Variants in MYH15 observed in about 807,000 individuals in gnomAD.
MYH15 encodes myosin-15.
Under a neutral mutation model 240.5 loss-of-function variants are expected in MYH15, and 227 were observed. The observed-to-expected ratio is 0.94, with a 90% CI of 0.85 to 1.05. MYH15 has a LOEUF of 1.05. Ranked by LOEUF, MYH15 falls within the 50% of genes least tolerant of loss-of-function variation. The pLI is 0.00. For missense variants in MYH15, 2,217 were observed against 2,247.5 expected, an observed-to-expected ratio of 0.99 and a Z score of 0.27; for synonymous variants, 785 against 796.7, an observed-to-expected ratio of 0.99 and a Z score of 0.25.
At chr3:108,541,639 A>C in the MYH15 span, among the ~76,000 whole-genome samples, 1 of 152,146 alleles carries the variant, frequency 6.6e-6, no homozygotes, top group Admixed American at 6.6e-5. Context: ...GGGGAAACAA[A>C]TATCGCTAGT....
At chr3:108,492,818 G>A (rs1202858348) in intron 8 of MYH15, among the ~76,000 whole-genome samples, 1 of 152,022 alleles carries the variant, frequency 6.6e-6, no homozygotes, top group Non-Finnish European at 1.5e-5. Context: ...GGGCATGGTG[G>A]CACATGCCTG....
chr3:108,409,614 C>A (rs551423566), intron 31 of MYH15, among the ~76,000 whole-genome samples: 1 of 152,286 alleles, frequency 6.6e-6, no homozygotes, highest in South Asian at 2.1e-4. Context: ...GCTTCATTTA[C>A]GCCTCCAACA....
At chr3:108,540,347 T>A in the MYH15 span, among the ~76,000 whole-genome samples, 1 of 152,280 alleles carries the variant, frequency 6.6e-6, no homozygotes, top group East Asian at 1.9e-4. Context: ...ACAGACAGCA[T>A]CTCTCAAAAT....
chr3:108,427,827 T>A (rs2082738441), intron 27 of MYH15, among the ~76,000 whole-genome samples: 2 of 152,238 alleles, frequency 1.3e-5, no homozygotes, highest in Non-Finnish European at 2.9e-5. Context: ...GATGACTTTA[T>A]AAAATCTGCT....
At chr3:108,464,084 G>C (rs148323282) in intron 15 of MYH15, among the ~76,000 whole-genome samples, 105 of 152,190 alleles carry the variant, frequency 6.9e-4, no homozygotes, top group African/African-American at 2.4e-3. Flanking sequence ...TTTTTAGGTC[G>C]AAGTATTATT....
At chr3:108,438,564 G>A (rs1484262330) in intron 24 of MYH15, among the ~76,000 whole-genome samples, 1 of 152,126 alleles carries the variant, frequency 6.6e-6, no homozygotes, top group Non-Finnish European at 1.5e-5. Context: ...TGGGAGGTGG[G>A]CCCTTTAGGA....
chr3:108,400,188 G>T (rs73205988), intron 33 of MYH15, among the ~76,000 whole-genome samples: 1,966 of 152,260 alleles, frequency 0.013, 13 homozygotes, highest in Middle Eastern at 0.031. Context: ...TCACAAGATG[G>T]AAAGAACCTG....
chr3:108,510,419 G>A (rs774444623), intron 1 of MYH15, 24 bp downstream of exon 1: 1 of 1,583,478 alleles, frequency 6.3e-7, no homozygotes, highest in East Asian at 2.2e-5. Flanking sequence ...ATAAAGTGAA[G>A]CCAGCAACCA....
intron 30 of MYH15, 54 bp from the exon 31 acceptor site, chr3:108,410,986 C>T (rs1301613471): frequency 1.7e-5 from 24 of 1,434,728 alleles, no homozygotes; most frequent in Non-Finnish European, 1.9e-5. Context: ...TCAGAGAGCT[C>T]ATCAAGTCTG....
At chr3:108,457,413 A>G (rs369008827) in intron 18 of MYH15, among the ~76,000 whole-genome samples, 3 of 152,166 alleles carry the variant, frequency 2.0e-5, no homozygotes, top group Non-Finnish European at 4.4e-5. Context: ...CCTTATTTTC[A>G]TGAGAGTGCC....
At chr3:108,412,172 C>T (rs1405223010) in intron 30 of MYH15, among the ~76,000 whole-genome samples, 2 of 152,176 alleles carry the variant, frequency 1.3e-5, no homozygotes, top group Admixed American at 1.3e-4. Flanking sequence ...CCACCAAAAT[C>T]TCATCTTGTA....
chr3:108,530,513 T>A (rs2083704508), upstream of MYH15, among the ~76,000 whole-genome samples: 1 of 152,198 alleles, frequency 6.6e-6, no homozygotes, highest in African/African-American at 2.4e-5. Flanking sequence ...TAGTGGTGAA[T>A]ATATTTGTCC....
chr3:108,444,488 C>T, intron 22 of MYH15, 152 bp downstream of exon 22: 1 of 881,386 alleles, frequency 1.1e-6, no homozygotes, highest in Non-Finnish European at 1.7e-6. Context: ...AACAGGGTAT[C>T]TCTTTGTTTT....
intron 38 of MYH15, among the ~76,000 whole-genome samples, chr3:108,385,412 G>A (rs906540217): frequency 4.6e-5 from 7 of 152,192 alleles, no homozygotes; most frequent in Non-Finnish European, 7.4e-5. Context: ...TGGGGACCAT[G>A]GTGTGCCCAT....
intron 33 of MYH15, among the ~76,000 whole-genome samples, chr3:108,399,617 G>A (rs533330244): frequency 2.2e-4 from 33 of 152,246 alleles, no homozygotes; most frequent in African/African-American, 7.7e-4. Context: ...TCCTGTGGTG[G>A]CTAAGGATGA....
chr3:108,537,076 A>C, the MYH15 span, among the ~76,000 whole-genome samples: 1 of 152,224 alleles, frequency 6.6e-6, no homozygotes, highest in Admixed American at 6.5e-5. Context: ...TTGAGTCAGG[A>C]GAGAGGCAGG....
At chr3:108,536,201 G>T in the MYH15 span, among the ~76,000 whole-genome samples, 1 of 152,142 alleles carries the variant, frequency 6.6e-6, no homozygotes, top group Non-Finnish European at 1.5e-5. Context: ...GGAGGCGGAG[G>T]TTGCAGCCAG....
chr3:108,484,274 T>C (rs1313059839), intron 11 of MYH15, among the ~76,000 whole-genome samples: 2 of 152,268 alleles, frequency 1.3e-5, no homozygotes, highest in Admixed American at 6.5e-5. Flanking sequence ...GATCATTCAT[T>C]GTAAGATGCC....
chr3:108,520,061 G>A (rs541774133), intron 1 of MYH15, among the ~76,000 whole-genome samples: 265 of 152,248 alleles, frequency 1.7e-3, no homozygotes, highest in Non-Finnish European at 3.1e-3. Context: ...TAAGTGCCAA[G>A]AATTGTCAAA....
Sources: allele counts gnomAD v4.1 joint callset (sites outside exome capture counted in the v4.1 genomes callset), GRCh38; gene constraint gnomAD v4.1.1; transcripts MANE v1.5; gene names NCBI Gene and HGNC (gene_info 2026-07-23, HGNC 2026-07-21).